The following PPP4R1 variants were observed in gnomAD, a reference collection of about 807,000 sequenced individuals.
PPP4R1 encodes protein phosphatase 4 regulatory subunit 1, also known as serine/threonine-protein phosphatase 4 regulatory subunit 1.
In PPP4R1, 42 loss-of-function variants were observed where a neutral mutation model predicts 111.2. The ratio of observed to expected loss-of-function variants is 0.38; its 90% CI spans 0.29 to 0.49. PPP4R1 has a LOEUF of 0.49. PPP4R1 is among the 20% of genes least tolerant of loss of function. The pLI, the probability that PPP4R1 is intolerant of heterozygous loss-of-function variation, is 0.97. For missense variants in PPP4R1, 1,012 were observed against 1,161.6 expected, an observed-to-expected ratio of 0.87 and a Z score of 1.87; for synonymous variants, 409 against 405.5, an observed-to-expected ratio of 1.01 and a Z score of -0.10.
intron 2 of PPP4R1, chr18:9,612,474 C>T (rs2067598374): frequency 6.6e-6 from 1 of 152,212 alleles, no homozygotes; most frequent in Non-Finnish European, 1.5e-5. Context: ...AGTGTTGAAA[C>T]TCATGGTTGA....
At chr18:9,548,077 C>A in intron 19 of PPP4R1, 125 bp from the exon 20 acceptor site, 1 of 933,448 alleles carries the variant, frequency 1.1e-6, no homozygotes, top group South Asian at 1.9e-5. Flanking sequence ...CACACTGAAA[C>A]ATAAACAGTA....
intron 2 of PPP4R1, among the ~76,000 whole-genome samples, chr18:9,605,566 CAAAAAAAAAA>C (rs34208690): frequency 4.0e-3 from 272 of 67,644 alleles, no homozygotes; most frequent in African/African-American, 8.9e-3. Flanking sequence ...GCAGTCCTGT[CAAAAAAAAAA>C]AAAAAAAAAA....
rs755509461 is a variant in PPP4R1 at position 9,553,283 on chromosome 18, C to A, written c.2291+39G>T. 6.4e-6 allele frequency: 9 copies of A among 1,405,676 alleles called. 1 individual carries two copies. The South Asian group carries it at 8.3e-5, about 13-fold the overall frequency. 87.1% of individuals were successfully genotyped at this position (1,405,676 alleles called of 1,614,324 possible). A position where few individuals can be genotyped will look rare whatever the true frequency, so the allele number is the denominator to read the frequency against. On this transcript the variant is annotated intron_variant, in intron 16 of 19. Coordinates refer to ENST00000400556, the MANE Select transcript of PPP4R1 (RefSeq NM_001042388.3). The stretch of plus-strand genomic sequence containing the variant: ...AATGTAAAAATGAAGTAAATATATA[C>A]CCCTCCAAAACATAATCTAATAAAC...
At chr18:9,565,876 G>C (rs986177022) in intron 11 of PPP4R1, among the ~76,000 whole-genome samples, 14 of 152,156 alleles carry the variant, frequency 9.2e-5, no homozygotes, top group African/African-American at 2.2e-4. Flanking sequence ...ATCTAGCTAA[G>C]ATTACTTAAG....
intron 2 of PPP4R1, among the ~76,000 whole-genome samples, chr18:9,603,700 G>A (rs796185065): frequency 5.9e-5 from 9 of 152,094 alleles, no homozygotes; most frequent in African/African-American, 2.2e-4. Flanking sequence ...GCCAGGGCTG[G>A]TCTCAAACTC....
intron 19 of PPP4R1, among the ~76,000 whole-genome samples, chr18:9,548,794 T>A (rs1359379914): frequency 6.6e-6 from 1 of 152,172 alleles, no homozygotes; most frequent in Non-Finnish European, 1.5e-5. Flanking sequence ...GGCGGGCACC[T>A]GTAATCCCAG....
chr18:9,580,570 T>G (rs1192458548), intron 9 of PPP4R1, among the ~76,000 whole-genome samples: 1 of 152,138 alleles, frequency 6.6e-6, no homozygotes, highest in Admixed American at 6.5e-5. Flanking sequence ...CAGGATGGTC[T>G]TGATCTCCTG....
chr18:9,601,043 T>C (rs1598956426), intron 2 of PPP4R1, among the ~76,000 whole-genome samples: 1 of 152,182 alleles, frequency 6.6e-6, no homozygotes, highest in Non-Finnish European at 1.5e-5. Context: ...AACACTGTAA[T>C]AGCAGCAATA....
chr18:9,593,911 C>G (rs2067251869), intron 3 of PPP4R1, 37 bp from the exon 4 acceptor site: 1 of 1,496,982 alleles, frequency 6.7e-7, no homozygotes, highest in African/African-American at 1.4e-5. Flanking sequence ...TGTTCAATGG[C>G]ATCAATAGCT....
intron 4 of PPP4R1, among the ~76,000 whole-genome samples, chr18:9,591,772 A>G (rs1233113556): frequency 2.0e-5 from 3 of 152,114 alleles, no homozygotes; most frequent in South Asian, 2.1e-4. Context: ...ATTCATCCTT[A>G]TAACAATTAA....
chr18:9,591,320 C>T (rs1031468589), intron 4 of PPP4R1, among the ~76,000 whole-genome samples: 5 of 150,936 alleles, frequency 3.3e-5, no homozygotes, highest in Non-Finnish European at 7.4e-5. Context: ...ACACTCCAGC[C>T]TGGGTGACAG....
intron 6 of PPP4R1, among the ~76,000 whole-genome samples, chr18:9,587,765 T>A (rs940313436): frequency 1.3e-5 from 2 of 150,530 alleles, no homozygotes; most frequent in African/African-American, 4.9e-5. Flanking sequence ...CAGGCTGAAG[T>A]GCAGTGGCCT....
intron 2 of PPP4R1, among the ~76,000 whole-genome samples, chr18:9,604,867 T>C (rs973870132): frequency 1.3e-5 from 2 of 152,182 alleles, no homozygotes; most frequent in Non-Finnish European, 2.9e-5. Context: ...TATTTGTTAA[T>C]GAAAATGTAG....
chr18:9,562,111 T>C, intron 12 of PPP4R1, 36 bp from the exon 13 acceptor site: 1 of 1,454,952 alleles, frequency 6.9e-7, no homozygotes. Flanking sequence ...AGAGCTGTCC[T>C]GTCTGTACAT....
chr18:9,561,218 CTAA>C (rs111924050), intron 13 of PPP4R1, among the ~76,000 whole-genome samples: 46,587 of 138,766 alleles, frequency 0.34, 7,750 homozygotes, highest in Non-Finnish European at 0.36. Context: ...GACTCCATCT[CTAA>C]TAATAATAAT....
chr18:9,599,373 C>T (rs931090385), intron 2 of PPP4R1, among the ~76,000 whole-genome samples: 2 of 152,068 alleles, frequency 1.3e-5, no homozygotes, highest in African/African-American at 2.4e-5. Context: ...CATATAACTA[C>T]TAAGCCAGTA....
At chr18:9,569,163 C>T (rs185907034) in intron 11 of PPP4R1, among the ~76,000 whole-genome samples, 195 of 148,204 alleles carry the variant, frequency 1.3e-3, no homozygotes, top group African/African-American at 4.7e-3. Context: ...GAACTCCAGC[C>T]TGGGCAACAA....
intron 15 of PPP4R1, among the ~76,000 whole-genome samples, chr18:9,554,210 C>G (rs900990584): frequency 1.2e-4 from 18 of 151,552 alleles, no homozygotes; most frequent in African/African-American, 4.1e-4. Context: ...TCACTGCAAC[C>G]TCCACCTCCC....
At chr18:9,585,747 C>G (rs1295320350) in intron 6 of PPP4R1, among the ~76,000 whole-genome samples, 1 of 152,048 alleles carries the variant, frequency 6.6e-6, no homozygotes, top group Non-Finnish European at 1.5e-5. Flanking sequence ...TAGCAATGAA[C>G]AATGAACTGG....
Sources: gnomAD v4.1 joint callset for allele counts (sites outside exome capture counted in the v4.1 genomes callset) on GRCh38, gnomAD v4.1.1 for gene constraint, MANE v1.5 for transcripts, NCBI Gene and HGNC (gene_info 2026-07-23, HGNC 2026-07-21) for gene names.